The following KIF5B variants were observed in gnomAD, a reference collection of about 807,000 sequenced individuals.
KIF5B encodes kinesin-1 heavy chain.
KIF5B carries 49 observed loss-of-function variants against 132.8 expected under a neutral mutation model. That is an observed-to-expected ratio of 0.37 (90% CI 0.29 to 0.47). The LOEUF is 0.47. Among genes scored for constraint, KIF5B ranks in the 20% least tolerant of loss-of-function variants. The probability of loss-of-function intolerance (pLI) is 1.00; values close to 1 mark genes in which losing one functional copy is unlikely to be tolerated. For missense variants in KIF5B, 780 were observed against 1,144.0 expected (o/e 0.68, Z 4.59); for synonymous variants, 355 against 369.4 (o/e 0.96, Z 0.45).
chr10:32,051,069 T>C (rs545518836), intron 1 of KIF5B, among the ~76,000 whole-genome samples: 1 of 152,314 alleles, frequency 6.6e-6, no homozygotes, highest in Admixed American at 6.5e-5. Context: ...CAAAGAGTAA[T>C]AGAGGATAAG....
chr10:32,018,126 C>T lies in KIF5B; in HGVS notation c.2470G>A (p.Gly824Ser), dbSNP rs1218292480. 1 of 1,610,510 alleles carries T rather than the reference C, an allele frequency of 6.2e-7. No individual in the cohort carries two copies. Among genetic ancestry groups the T allele is most frequent in the Non-Finnish European group, 8.5e-7 (1 of 1,177,986 alleles). The change falls in exon 23 of 26, where the codon GGC becomes AGC. Residue 824 changes from glycine (G) to serine (S), a missense_variant. Gly to Ser is a moderately conservative substitution (Grantham distance 56, BLOSUM62 0). This residue lies in a region of KIF5B where 471 missense variants were observed against 569.9 expected (regional missense o/e 0.83). Transcript: ENST00000302418. ...ATTTTTTGCTTCTGAGCAGCGCTGC[C>T]TCCGGTGTCATCAGAATCAATCTCA... is the stretch of plus-strand genomic sequence containing the variant. ...SAEIDSDDTGGSAAQKQKISF... is the reference protein window; with the variant it reads ...SAEIDSDDTGSSAAQKQKISF...
At chr10:32,022,104 A>T (rs766498898) in intron 17 of KIF5B, 36 bp downstream of exon 17, 2 of 989,964 alleles carry the variant, frequency 2.0e-6, no homozygotes, top group East Asian at 4.9e-5. Context: ...TAAAATAAGA[A>T]CACAGATGTA....
At chr10:32,030,989 T>C (rs1841396475) in intron 14 of KIF5B, 84 bp downstream of exon 14, 2 of 953,732 alleles carry the variant, frequency 2.1e-6, no homozygotes, top group South Asian at 1.6e-5. Flanking sequence ...TTGACTTACA[T>C]AGAAAAGTAA....
At chr10:32,018,657 T>C in intron 20 of KIF5B, 95 bp from the exon 21 acceptor site, 2 of 889,726 alleles carry the variant, frequency 2.2e-6, no homozygotes, top group Non-Finnish European at 3.4e-6. Context: ...TCTGAAAGGA[T>C]AAATTCTTAA....
At position 32,056,167 on chromosome 10, in the gene KIF5B, C is replaced by G; in HGVS notation, c.-194G>C. ...GAGCCGGCGCCGGCAGCCGTTAACC[C>G]TAATGCTCACTTCCGATCCATCATG... On this transcript the variant is annotated 5_prime_UTR_variant, in exon 1 of 26. Coordinates refer to ENST00000302418, the MANE Select transcript of KIF5B (RefSeq NM_004521.3). The G allele has an allele frequency of 5.0e-6, 3 of 602,146 alleles. No homozygotes were observed. The highest frequency in any genetic ancestry group is 4.0e-5 in the South Asian group (2 of 49,526). 37.3% of individuals were successfully genotyped at this position (602,146 alleles called of 1,614,324 possible).
At chr10:32,042,540 G>C (rs1841556589) in intron 2 of KIF5B, among the ~76,000 whole-genome samples, 1 of 152,122 alleles carries the variant, frequency 6.6e-6, no homozygotes. Context: ...TTACTCACTA[G>C]CCTGTCAACT....
At chr10:32,049,719 CA>C (rs1346180340) in intron 1 of KIF5B, among the ~76,000 whole-genome samples, 2 of 145,852 alleles carry the variant, frequency 1.4e-5, no homozygotes, top group Non-Finnish European at 3.0e-5. Context: ...GAGAAGGAGC[CA>C]GGGGTATTGA....
Position 32,039,337 on chromosome 10 carries a change from A to T in KIF5B, c.383T>A (p.Phe128Tyr). 1 of 1,165,114 alleles carries T rather than the reference A, an allele frequency of 8.6e-7. No homozygotes were observed. Among genetic ancestry groups the T allele is most frequent in the Non-Finnish European group, 1.2e-6 (1 of 804,714 alleles). The allele number at this position is 1,165,114 out of a possible 1,614,324, so 72.2% of individuals were successfully genotyped here. A position where few individuals can be genotyped will look rare whatever the true frequency, so the allele number is the denominator to read the frequency against. Residue 128 changes from phenylalanine to tyrosine, a missense_variant, in exon 4 of 26, where the codon TTT (phenylalanine) becomes TAT (tyrosine). By Grantham distance (22) the Phe-to-Tyr change is conservative (BLOSUM62 3). This residue lies in a region of KIF5B where 76 missense variants were observed against 146.4 expected (regional missense o/e 0.52). Transcript: ENST00000302418. ...CCTCAAGGAATTTACCTTAATATGAAATTCCAAATTTTCATCCATGGAGTA... is the reference window on the plus strand; with the variant it reads ...CCTCAAGGAATTTACCTTAATATGATATTCCAAATTTTCATCCATGGAGTA... Reference protein sequence around the residue: ...YIYSMDENLEFHIKVSYFEIY... With the variant: ...YIYSMDENLEYHIKVSYFEIY...
At chr10:32,048,118 T>C (rs1486708664) in intron 2 of KIF5B, among the ~76,000 whole-genome samples, 4 of 152,216 alleles carry the variant, frequency 2.6e-5, no homozygotes, top group Admixed American at 6.5e-5. Context: ...TTTTTAGAAA[T>C]GTGTCTAGCC....
intron 24 of KIF5B, among the ~76,000 whole-genome samples, chr10:32,016,482 T>C (rs544609360): frequency 2.6e-5 from 4 of 152,008 alleles, no homozygotes; most frequent in African/African-American, 9.6e-5. Flanking sequence ...AATAAATAAA[T>C]AAATAAAACA....
chr10:32,049,147 A>G (rs991724101), intron 1 of KIF5B, among the ~76,000 whole-genome samples: 1 of 152,200 alleles, frequency 6.6e-6, no homozygotes, highest in Non-Finnish European at 1.5e-5. Flanking sequence ...CTTTTCAACC[A>G]TTCTTTCATT....
chr10:32,054,704 T>TA (rs1219423745), intron 1 of KIF5B, among the ~76,000 whole-genome samples: 5 of 152,216 alleles, frequency 3.3e-5, no homozygotes, highest in African/African-American at 1.2e-4. Context: ...TTCTACTACA[T>TA]AGCATTACCA....
At chr10:32,043,520 A>G (rs767833002) in intron 2 of KIF5B, among the ~76,000 whole-genome samples, 2 of 152,200 alleles carry the variant, frequency 1.3e-5, no homozygotes, top group Non-Finnish European at 2.9e-5. Context: ...GAAAAACCAA[A>G]GGTGAATACA....
chr10:32,028,362 T>C, intron 15 of KIF5B, 66 bp downstream of exon 15: 1 of 1,269,064 alleles, frequency 7.9e-7, no homozygotes, highest in Non-Finnish European at 1.1e-6. Flanking sequence ...TTACAAACTA[T>C]TAGTAGTAAA....
intron 17 of KIF5B, among the ~76,000 whole-genome samples, 156 bp from the exon 18 acceptor site, chr10:32,021,443 T>C (rs1592440232): frequency 6.6e-6 from 1 of 152,100 alleles, no homozygotes; most frequent in East Asian, 1.9e-4. Context: ...CAATGACATG[T>C]AGACTAGTAT....
At chr10:32,037,168 G>A in intron 8 of KIF5B, 86 bp downstream of exon 8, 1 of 1,272,890 alleles carries the variant, frequency 7.9e-7, no homozygotes. Flanking sequence ...TAAGTAAGAT[G>A]CAACAATGAA....
intron 24 of KIF5B, 95 bp from the exon 25 acceptor site, chr10:32,015,754 A>G (rs780138182): frequency 4.0e-4 from 423 of 1,061,002 alleles, no homozygotes; most frequent in Non-Finnish European, 5.5e-4. Context: ...ACAAATTCCC[A>G]AATGTTTTGT....
At chr10:32,011,794 G>T (rs1355522258) in intron 25 of KIF5B, among the ~76,000 whole-genome samples, 3 of 152,022 alleles carry the variant, frequency 2.0e-5, no homozygotes, top group Non-Finnish European at 2.9e-5. Flanking sequence ...AAAGCTATGG[G>T]TAAGCTGATT....
At chr10:32,026,437 CAAAAAAAAA>C (rs71027049) in intron 15 of KIF5B, among the ~76,000 whole-genome samples, 28 of 48,930 alleles carry the variant, frequency 5.7e-4, no homozygotes, top group South Asian at 1.5e-3. Context: ...GATTCCGTCT[CAAAAAAAAA>C]AAAAAAAAAA....
Sources: allele counts gnomAD v4.1 joint callset (sites outside exome capture counted in the v4.1 genomes callset), GRCh38; gene constraint gnomAD v4.1.1; regional missense constraint gnomAD v4.1.1; transcripts MANE v1.5; gene names NCBI Gene and HGNC (gene_info 2026-07-23, HGNC 2026-07-21).